MACF1: variants seen among roughly 807,000 people sequenced by gnomAD.
MACF1 encodes microtubule-actin cross-linking factor 1.
A neutral mutation model predicts 854.8 loss-of-function variants in MACF1; 193 were observed. That is an observed-to-expected ratio of 0.23 (90% CI 0.20 to 0.25). The LOEUF (loss-of-function observed/expected upper bound fraction) is 0.25, where lower values mean the gene tolerates loss of function less well. Among genes scored for constraint, MACF1 ranks in the 10% least tolerant of loss-of-function variants. The probability of loss-of-function intolerance (pLI) is 1.00; values close to 1 mark genes in which losing one functional copy is unlikely to be tolerated. For synonymous variants in MACF1, 3,185 were observed against 3,226.7 expected (o/e 0.99, Z 0.44); for missense variants, 7,722 against 8,929.1 (o/e 0.86, Z 5.45).
At chr1:39,422,962 T>G in intron 60 of MACF1, 62 bp downstream of exon 60, 1 of 1,475,644 alleles carries the variant, frequency 6.8e-7, no homozygotes, top group Non-Finnish European at 9.4e-7. Context: ...ACAACACATT[T>G]GCTTATAGTT....
intron 60 of MACF1, among the ~76,000 whole-genome samples, chr1:39,423,541 A>G (rs1258362208): frequency 4.0e-5 from 6 of 151,548 alleles, no homozygotes; most frequent in African/African-American, 1.5e-4. Context: ...AGGCTGAGGC[A>G]GAAGAATGGT....
rs571851697 is a variant in MACF1, at chr1:39,412,693, C to G, written c.15817-9681C>G. 5.3e-5 allele frequency: 85 copies of G among 1,613,936 alleles called. 1 individual carries two copies. The South Asian group carries it at 8.2e-4, about 16-fold the overall frequency. On this transcript the variant is annotated intron_variant, in intron 58 of 100. Transcript: ENST00000564288. ...TTCAGATTCATTCCTAAATATTTTTCCAGAGAAACAAGTTACCAAGGCTGG... is the reference window on the plus strand; with the variant it reads ...TTCAGATTCATTCCTAAATATTTTTGCAGAGAAACAAGTTACCAAGGCTGG...
In MACF1 at chr1:39,333,992, A is replaced by T. The variant is rs1270628229; in HGVS notation, c.7404A>T (p.Gly2468=). 1.2e-6 allele frequency: 2 copies of T among 1,614,166 alleles called. No homozygotes were observed. The highest frequency in any genetic ancestry group is 1.7e-6 in the Non-Finnish European group (2 of 1,180,038). ...TTAGTTTACAAATGGAAACAACAGG[A>T]CTTATAGACCCTGATAGTAAAGCAC... is the stretch of plus-strand genomic sequence containing the variant. ...RLISLQMETT[G]LIDPDSKAPL... is the part of the protein sequence containing the mutation. Residue 2468 remains glycine, a synonymous_variant, in exon 37 of 101, where the codon GGA becomes GGT. Transcript: ENST00000564288.
At chr1:39,149,059 C>G (rs983326375) in intron 2 of MACF1, among the ~76,000 whole-genome samples, 8 of 152,130 alleles carry the variant, frequency 5.3e-5, no homozygotes, top group African/African-American at 1.9e-4. Flanking sequence ...TTTTTTGAGG[C>G]TGTTCTAACA....
chr1:39,462,106 G>A, intron 93 of MACF1, 69 bp downstream of exon 93: 1 of 1,486,314 alleles, frequency 6.7e-7, no homozygotes, highest in East Asian at 2.3e-5. Context: ...ATTTGGTTGG[G>A]TTCAGTGATC....
rs1349010638 is a variant in MACF1, at chr1:39,370,036, A to G, written c.12945A>G (p.Lys4315=). 2 of 1,610,090 alleles carry G rather than the reference A, an allele frequency of 1.2e-6. No homozygotes were observed. Among genetic ancestry groups the G allele is most frequent in the Non-Finnish European group, 1.7e-6 (2 of 1,178,676 alleles). Reference sequence around the variant, plus strand: ...AAAACTGCTTCATTGACAGAGAGAAAGATGCATCATCTTGCCAGGAACAGT... The same window carrying G: ...AAAACTGCTTCATTGACAGAGAGAAGGATGCATCATCTTGCCAGGAACAGT... ...ELQKTVKERE[K]DASSCQEQLD... is the part of the protein sequence containing the mutation. Residue 4315 remains lysine (K), a synonymous_variant, in exon 51 of 101, where the codon AAA becomes AAG. Transcript: ENST00000564288.
At position 39,310,814 on chromosome 1, in the gene MACF1, T is replaced by C. The variant is rs1401999594; in HGVS notation, c.3101-17T>C. On this transcript the variant is annotated splice_polypyrimidine_tract_variant and intron_variant, in intron 25 of 100. Coordinates refer to ENST00000564288, the MANE Select transcript of MACF1 (RefSeq NM_001394062.1). The stretch of plus-strand genomic sequence containing the variant: ...TGATGTCGAGCTTACTGGTCTTTTG[T>C]GTTTGTTCATTCACAGAGGACAAAG... 16 of 1,596,920 alleles carry C rather than the reference T, an allele frequency of 1.0e-5. No individual in the cohort carries two copies. Among genetic ancestry groups the C allele is most frequent in the Non-Finnish European group, 1.4e-5 (16 of 1,171,292 alleles).
intron 18 of MACF1, among the ~76,000 whole-genome samples, 197 bp downstream of exon 18, chr1:39,293,816 G>A (rs895694322): frequency 1.3e-5 from 2 of 151,990 alleles, no homozygotes; most frequent in African/African-American, 4.8e-5. Context: ...AATTTATCTA[G>A]AATGCATTTA....
At chr1:39,170,947 C>A (rs976675147) in intron 2 of MACF1, among the ~76,000 whole-genome samples, 2 of 152,176 alleles carry the variant, frequency 1.3e-5, no homozygotes, top group African/African-American at 4.8e-5. Context: ...CTTTCCCTCA[C>A]GCCATAGCAC....
intron 2 of MACF1, among the ~76,000 whole-genome samples, chr1:39,135,392 G>A (rs913945244): frequency 6.6e-6 from 1 of 152,082 alleles, no homozygotes; most frequent in African/African-American, 2.4e-5. Flanking sequence ...GATTACAGGT[G>A]CATGCTACCA....
Position 39,392,662 on chromosome 1 carries a change from C to T in MACF1, c.15816+4004C>T, listed in dbSNP as rs116019537. Among the ~76,000 whole-genome samples, 902 of 152,206 alleles carry T rather than the reference C, an allele frequency of 5.9e-3. 9 individuals carry two copies. The highest frequency in any genetic ancestry group is 0.019 in the African/African-American group (785 of 41,510). ...ATGAGTTAGGCCTGTGAAGAACCCC[C>T]CAGTCTTACTTGGGACTGTACAGTC... On this transcript the variant is annotated intron_variant, in intron 58 of 100. Coordinates refer to ENST00000564288, the MANE Select transcript of MACF1 (RefSeq NM_001394062.1).
rs1646807809 is a variant in MACF1 at position 39,336,218 on chromosome 1, T to G, written c.9630T>G (p.Leu3210=). The part of the protein sequence containing the change: ...RYLEFSDRKD[L]HHQGSKSDDK... ...TAGAATTCTCAGACAGAAAAGACCT[T>G]CATCATCAGGGCAGCAAAAGTGATG... Residue 3210 remains leucine (L), a synonymous_variant, in exon 37 of 101, where the codon CTT becomes CTG. Coordinates refer to ENST00000564288, the MANE Select transcript of MACF1 (RefSeq NM_001394062.1). 1 of 1,614,038 alleles carries G rather than the reference T, an allele frequency of 6.2e-7. No individual in the cohort carries two copies. The highest frequency in any genetic ancestry group is 8.5e-7 in the Non-Finnish European group (1 of 1,180,008).
intron 44 of MACF1, among the ~76,000 whole-genome samples, chr1:39,355,195 C>G (rs1465272228): frequency 6.6e-6 from 1 of 152,154 alleles, no homozygotes; most frequent in Non-Finnish European, 1.5e-5. Context: ...ACTGTGTCCC[C>G]CAAAGCCCTG....
chr1:39,347,962 C>A (rs777642980), intron 41 of MACF1, among the ~76,000 whole-genome samples: 15 of 152,076 alleles, frequency 9.9e-5, no homozygotes, highest in Non-Finnish European at 2.1e-4. Context: ...CTTAGAATAC[C>A]CAGAATGATG....
At position 39,361,535 on chromosome 1, in the gene MACF1, C is replaced by G. The variant is rs1336292611; in HGVS notation, c.12629C>G (p.Ser4210Cys). 6.2e-7 allele frequency: 1 copy of G among 1,614,138 alleles called. No individual in the cohort carries two copies. The highest frequency in any genetic ancestry group is 8.5e-7 in the Non-Finnish European group (1 of 1,180,024). The change falls in exon 49 of 101, where the codon TCC becomes TGC. Residue 4210 changes from serine (S) to cysteine (C), a missense_variant. Coordinates refer to ENST00000564288, the MANE Select transcript of MACF1 (RefSeq NM_001394062.1). ...CTACAGCAGCAAGAAAAGGAGAGCTCCCTAAAGAAGCTTCTACCCCAGGCA... is the reference window on the plus strand; with the variant it reads ...CTACAGCAGCAAGAAAAGGAGAGCTGCCTAAAGAAGCTTCTACCCCAGGCA... ...LCLQQQEKES[S>C]LKKLLPQAEM...
At chr1:39,439,829 C>T (rs1235614856) in intron 72 of MACF1, among the ~76,000 whole-genome samples, 1 of 152,102 alleles carries the variant, frequency 6.6e-6, no homozygotes, top group Non-Finnish European at 1.5e-5. Flanking sequence ...TGGTTCTGAA[C>T]TCCTGACCTC....
chr1:39,130,191 G>A (rs1286458651), intron 2 of MACF1, among the ~76,000 whole-genome samples: 1 of 152,146 alleles, frequency 6.6e-6, no homozygotes. Context: ...CTCATTATCA[G>A]AAGATGAAGA....
chr1:39,186,005 AC>A (rs754251598), intron 2 of MACF1, among the ~76,000 whole-genome samples: 5 of 151,870 alleles, frequency 3.3e-5, no homozygotes, highest in Non-Finnish European at 7.4e-5. Flanking sequence ...TGAGCCCAAG[AC>A]TCGTACCTGC....
intron 20 of MACF1, 85 bp from the exon 21 acceptor site, chr1:39,297,535 G>A (rs1645949478): frequency 2.0e-6 from 3 of 1,532,654 alleles, no homozygotes; most frequent in African/African-American, 1.4e-5. Flanking sequence ...GCTAAGCTCT[G>A]CACAGTAAAA....
Sources: gnomAD v4.1 joint callset for allele counts (sites outside exome capture counted in the v4.1 genomes callset) on GRCh38, gnomAD v4.1.1 for gene constraint, MANE v1.5 for transcripts, NCBI Gene and HGNC (gene_info 2026-07-23, HGNC 2026-07-21) for gene names.